The following VPS13A variants were observed in gnomAD, a reference collection of about 807,000 sequenced individuals.
VPS13A encodes the protein vacuolar protein sorting 13 homolog A, also known as intermembrane lipid transfer protein VPS13A.
A neutral mutation model predicts 390.9 loss-of-function variants in VPS13A; 264 were observed. That is an observed-to-expected ratio of 0.68 (90% CI 0.61 to 0.75). The LOEUF (loss-of-function observed/expected upper bound fraction) is 0.75. VPS13A is among the 30% of genes least tolerant of loss of function. VPS13A has a pLI of 0.00. For synonymous variants in VPS13A, 1,231 were observed against 1,227.1 expected (o/e 1.00, Z -0.07); for missense variants, 3,409 against 3,733.9 (o/e 0.91, Z 2.27).
At chr9:77,211,144 A>G (rs1284773833) in intron 7 of VPS13A, 1 of 157,652 alleles carries the variant, frequency 6.3e-6, no homozygotes, top group African/African-American at 2.4e-5. Flanking sequence ...TGCCTCCAGA[A>G]TGGATGGCTG....
At position 77,275,504 on chromosome 9, in the gene VPS13A, A is replaced by T; in HGVS notation, c.2519A>T (p.Glu840Val). 1 of 1,613,612 alleles carries T rather than the reference A, an allele frequency of 6.2e-7. No individual in the cohort carries two copies. The change falls in exon 25 of 72, where the codon GAG becomes GTG. Residue 840 changes from glutamate to valine, a missense_variant. This residue lies in a region of VPS13A where 2,717 missense variants were observed against 2,917.4 expected (regional missense o/e 0.93). Transcript: ENST00000360280. ...AATGTTCTGTGAAATGTAGATTCAG[A>T]GGAGGAATTTTTTGATGCACCATGT... ...ELPSVSEDDS[E>V]EEFFDAPCSP... is the part of the protein sequence containing the mutation.
At chr9:77,341,238 A>T (rs1482943322) in intron 50 of VPS13A, among the ~76,000 whole-genome samples, 1 of 152,058 alleles carries the variant, frequency 6.6e-6, no homozygotes, top group Admixed American at 6.6e-5. Flanking sequence ...AATGATCGGG[A>T]TATAAACCCA....
intron 71 of VPS13A, among the ~76,000 whole-genome samples, chr9:77,414,291 T>C (rs1326428438): frequency 1.3e-5 from 2 of 152,170 alleles, no homozygotes; most frequent in African/African-American, 2.4e-5. Flanking sequence ...CATGCACACA[T>C]ATGTTTATTG....
At chr9:77,210,524 G>T in intron 6 of VPS13A, 92 bp from the exon 7 acceptor site, 1 of 1,245,564 alleles carries the variant, frequency 8.0e-7, no homozygotes, top group Non-Finnish European at 1.2e-6. Context: ...GATTACAGAT[G>T]GGAGCCGCTG....
intron 26 of VPS13A, among the ~76,000 whole-genome samples, chr9:77,277,919 C>T (rs528148586): frequency 6.6e-6 from 1 of 152,240 alleles, no homozygotes; most frequent in South Asian, 2.1e-4. Flanking sequence ...TTTTCAGTTT[C>T]ACTGGGTAAA....
At chr9:77,364,426 GA>G (rs921492903) in intron 59 of VPS13A, among the ~76,000 whole-genome samples, 14 of 151,616 alleles carry the variant, frequency 9.2e-5, no homozygotes, top group African/African-American at 2.9e-4. Flanking sequence ...ACTCCGTCTC[GA>G]AAAAAACAAA....
intron 68 of VPS13A, among the ~76,000 whole-genome samples, chr9:77,395,269 T>G (rs564187899): frequency 6.6e-6 from 1 of 152,264 alleles, no homozygotes; most frequent in South Asian, 2.1e-4. Flanking sequence ...AATTTCAATA[T>G]TGTTGTTTCT....
At chr9:77,412,653 G>A (rs1383692066) in intron 71 of VPS13A, among the ~76,000 whole-genome samples, 1 of 152,094 alleles carries the variant, frequency 6.6e-6, no homozygotes, top group Non-Finnish European at 1.5e-5. Context: ...TACCGAATGG[G>A]CAAAAACTGG....
At chr9:77,353,368 A>G (rs780393982) in intron 53 of VPS13A, 41 bp from the exon 54 acceptor site, 1 of 1,434,874 alleles carries the variant, frequency 7.0e-7, no homozygotes, top group Admixed American at 1.9e-5. Context: ...ACCAAATTCT[A>G]ATTTTTTGGT....
chr9:77,341,690 C>CCTTTTTT (rs1830823854), intron 50 of VPS13A, among the ~76,000 whole-genome samples: 1 of 23,562 alleles, frequency 4.2e-5, no homozygotes, highest in Non-Finnish European at 8.0e-5. Context: ...GGACATCTTT[C>CCTTTTTT]CTTTTTTTTT....
intron 23 of VPS13A, among the ~76,000 whole-genome samples, chr9:77,269,461 T>A (rs1826230993): frequency 6.6e-6 from 1 of 152,246 alleles, no homozygotes; most frequent in Admixed American, 6.5e-5. Flanking sequence ...ACTTCATGTC[T>A]TGAAATCCAG....
In VPS13A at chr9:77,356,253, TTC is replaced by T. The variant is rs1217211180; in HGVS notation, c.7653-456_7653-455del. On this transcript the variant is annotated intron_variant, in intron 54 of 71. Transcript: ENST00000360280. ...TTTCCTCCTCTTGTCTGCTGGATAATTCTCTCAGCTCATTTAAGGTTGCCAAA... is the reference window on the plus strand; with the variant it reads ...TTTCCTCCTCTTGTCTGCTGGATAATTCTCAGCTCATTTAAGGTTGCCAAA... 3.3e-5 allele frequency among the ~76,000 whole-genome samples: 5 copies of T among 152,302 alleles called. No homozygotes were observed. The East Asian group carries it at 5.8e-4, about 18-fold the overall frequency.
chr9:77,299,894 A>G (rs950261543), intron 33 of VPS13A, among the ~76,000 whole-genome samples: 7 of 152,092 alleles, frequency 4.6e-5, no homozygotes, highest in African/African-American at 1.7e-4. Flanking sequence ...ATATGGACAC[A>G]GGAGGGGGAA....
chr9:77,379,239 ATTT>A (rs1324201977), intron 67 of VPS13A, among the ~76,000 whole-genome samples: 1 of 123,028 alleles, frequency 8.1e-6, no homozygotes, highest in Non-Finnish European at 1.7e-5. Flanking sequence ...TACCCAGCTA[ATTT>A]TTTTTTTTTT....
Position 77,250,107 on chromosome 9 carries a change from A to G in VPS13A, c.2048A>G (p.Lys683Arg), listed in dbSNP as rs762049616. 1.2e-6 allele frequency: 2 copies of G among 1,613,808 alleles called. No individual in the cohort carries two copies. Among genetic ancestry groups the G allele is most frequent in the Admixed American group, 1.7e-5 (1 of 60,010 alleles). ...LDLGHLKVTSKSRSELPDVKQ... is the reference protein window; with the variant it reads ...LDLGHLKVTSRSRSELPDVKQ... ...AAAATTAACTTGAAGGTGACGAGTA[A>G]AAGTCGTTCTGAATTACCAGATGTG... The change falls in exon 21 of 72, where the codon AAA becomes AGA. Residue 683 changes from lysine (K) to arginine (R), a missense_variant. This residue lies in a region of VPS13A where 2,717 missense variants were observed against 2,917.4 expected (regional missense o/e 0.93). Transcript: ENST00000360280.
At chr9:77,258,370 A>G (rs917791297) in intron 22 of VPS13A, among the ~76,000 whole-genome samples, 1 of 152,196 alleles carries the variant, frequency 6.6e-6, no homozygotes, top group Non-Finnish European at 1.5e-5. Flanking sequence ...TATATGGTAC[A>G]TGGGGTGGAC....
At chr9:77,187,048 A>G (rs1389856526) in intron 1 of VPS13A, among the ~76,000 whole-genome samples, 1 of 152,208 alleles carries the variant, frequency 6.6e-6, no homozygotes, top group Non-Finnish European at 1.5e-5. Flanking sequence ...GTGTTGTAGG[A>G]AATGTCAGCA....
intron 59 of VPS13A, among the ~76,000 whole-genome samples, chr9:77,363,203 C>T (rs1357125160): frequency 6.6e-6 from 1 of 151,978 alleles, no homozygotes; most frequent in Admixed American, 6.6e-5. Flanking sequence ...GGTAAATTTT[C>T]AGTCTTTGAG....
chr9:77,195,186 C>T (rs1824914820), intron 1 of VPS13A, among the ~76,000 whole-genome samples: 1 of 152,068 alleles, frequency 6.6e-6, no homozygotes, highest in Non-Finnish European at 1.5e-5. Context: ...TGCAGTGGCG[C>T]AATCTCGGCT....
Sources: gnomAD v4.1 joint callset for allele counts (sites outside exome capture counted in the v4.1 genomes callset) on GRCh38, gnomAD v4.1.1 for gene constraint, gnomAD v4.1.1 regional missense constraint, MANE v1.5 for transcripts, NCBI Gene and HGNC (gene_info 2026-07-23, HGNC 2026-07-21) for gene names.